NELL1: variants seen among roughly 807,000 people sequenced by gnomAD.
The protein encoded by NELL1 is protein kinase C-binding protein NELL1.
In NELL1, 76 loss-of-function variants were observed where a neutral mutation model predicts 107.4. That is an observed-to-expected ratio of 0.71 (90% CI 0.59 to 0.86). The LOEUF is 0.86. Ranked by LOEUF, NELL1 falls within the 40% of genes least tolerant of loss-of-function variation. The pLI, the probability that NELL1 is intolerant of heterozygous loss-of-function variation, is 0.00. For synonymous variants in NELL1, 353 were observed against 341.2 expected (o/e 1.03, Z -0.38); for missense variants, 1,024 against 1,005.5 (o/e 1.02, Z -0.25).
At chr11:21,463,813 A>G (rs1045375687) in intron 15 of NELL1, among the ~76,000 whole-genome samples, 3 of 152,090 alleles carry the variant, frequency 2.0e-5, no homozygotes, top group African/African-American at 4.8e-5. Flanking sequence ...TCTCTTTTCC[A>G]TGAGATCTAG....
intron 19 of NELL1, among the ~76,000 whole-genome samples, chr11:21,574,082 G>A (rs1159334531): frequency 6.6e-6 from 1 of 151,788 alleles, no homozygotes; most frequent in African/African-American, 2.4e-5. Flanking sequence ...AGTGGTAGCT[G>A]ATTTGGAACA....
At chr11:21,487,998 T>C (rs1051745393) in intron 15 of NELL1, among the ~76,000 whole-genome samples, 3 of 152,236 alleles carry the variant, frequency 2.0e-5, no homozygotes, top group East Asian at 1.9e-4. Flanking sequence ...TCTAAATATA[T>C]ATACATACAA....
intron 2 of NELL1, among the ~76,000 whole-genome samples, chr11:20,732,548 T>C (rs1286333150): frequency 6.6e-6 from 1 of 152,128 alleles, no homozygotes; most frequent in African/African-American, 2.4e-5. Flanking sequence ...GTTGGAGGTC[T>C]GAGGATTTGG....
chr11:21,491,008 G>C (rs1345575562), intron 15 of NELL1, among the ~76,000 whole-genome samples: 1 of 152,042 alleles, frequency 6.6e-6, no homozygotes, highest in African/African-American at 2.4e-5. Context: ...CAGAGTGAAA[G>C]ACAATCTGTT....
chr11:21,332,222 G>C (rs187036317), intron 14 of NELL1, among the ~76,000 whole-genome samples: 89 of 152,066 alleles, frequency 5.9e-4, no homozygotes, highest in African/African-American at 1.9e-3. Flanking sequence ...TTCTAAGGAT[G>C]CACTGCTTTG....
intron 12 of NELL1, among the ~76,000 whole-genome samples, chr11:21,002,294 C>CCTACATTAATGT (rs144065432): frequency 6.6e-6 from 1 of 151,206 alleles, no homozygotes; most frequent in Admixed American, 6.6e-5. Flanking sequence ...TATATTATAA[C>CCTACATTAATGT]AGTTACCTAC....
intron 9 of NELL1, among the ~76,000 whole-genome samples, chr11:20,930,669 C>T (rs1238051796): frequency 6.6e-6 from 1 of 152,080 alleles, no homozygotes; most frequent in Non-Finnish European, 1.5e-5. Flanking sequence ...AGTTAAATTG[C>T]CCTCTCACTA....
At chr11:21,138,064 G>A (rs756326042) in intron 13 of NELL1, among the ~76,000 whole-genome samples, 1 of 152,156 alleles carries the variant, frequency 6.6e-6, no homozygotes, top group Non-Finnish European at 1.5e-5. Flanking sequence ...TTTTCTGAGG[G>A]TGGAGAGAAC....
At chr11:21,255,786 T>A (rs745905173) in intron 14 of NELL1, among the ~76,000 whole-genome samples, 12 of 152,056 alleles carry the variant, frequency 7.9e-5, no homozygotes, top group Admixed American at 1.3e-4. Context: ...TGCCTACCTA[T>A]CCAGATTCAC....
At chr11:21,314,643 T>G (rs971192899) in intron 14 of NELL1, among the ~76,000 whole-genome samples, 1 of 152,190 alleles carries the variant, frequency 6.6e-6, no homozygotes, top group African/African-American at 2.4e-5. Flanking sequence ...GAAAGAATAC[T>G]CAGCATGCCT....
intron 15 of NELL1, among the ~76,000 whole-genome samples, chr11:21,412,601 T>C (rs1852405453): frequency 6.6e-6 from 1 of 152,142 alleles, no homozygotes; most frequent in Non-Finnish European, 1.5e-5. Context: ...TGAACATTTG[T>C]ACTTTTTGTT....
intron 9 of NELL1, among the ~76,000 whole-genome samples, chr11:20,931,263 A>G (rs1850612337): frequency 1.3e-5 from 2 of 152,166 alleles, no homozygotes; most frequent in Non-Finnish European, 2.9e-5. Context: ...CCCGGAGGAC[A>G]TGGAGCCAAG....
chr11:21,322,078 C>A (rs572170473), intron 14 of NELL1, among the ~76,000 whole-genome samples: 14 of 152,142 alleles, frequency 9.2e-5, no homozygotes, highest in Non-Finnish European at 1.5e-4. Flanking sequence ...CAGGATGATC[C>A]CATGGAATGA....
chr11:21,006,037 TG>T (rs200663974), intron 12 of NELL1, among the ~76,000 whole-genome samples: 116 of 149,842 alleles, frequency 7.7e-4, no homozygotes, highest in African/African-American at 1.4e-3. Context: ...TTCATAGATT[TG>T]GGGGGGGGAG....
At chr11:20,745,712 C>T (rs1023820748) in intron 2 of NELL1, among the ~76,000 whole-genome samples, 1 of 152,098 alleles carries the variant, frequency 6.6e-6, no homozygotes, top group Non-Finnish European at 1.5e-5. Context: ...CAGTTTAGAC[C>T]CATCAAGACA....
chr11:21,244,217 G>A (rs764541507), intron 14 of NELL1, among the ~76,000 whole-genome samples: 17 of 152,056 alleles, frequency 1.1e-4, no homozygotes, highest in Non-Finnish European at 2.2e-4. Context: ...ATTTACTTTC[G>A]TTGCATTTTA....
chr11:21,370,678 G>A (rs1321660336), intron 14 of NELL1, among the ~76,000 whole-genome samples, 175 bp from the exon 15 acceptor site: 1 of 152,066 alleles, frequency 6.6e-6, no homozygotes, highest in African/African-American at 2.4e-5. Flanking sequence ...ATATAAACCA[G>A]TGAAATAGGT....
intron 14 of NELL1, among the ~76,000 whole-genome samples, chr11:21,309,286 A>ATATATATGTATATATATATATATATG (rs1565160446): frequency 9.2e-6 from 1 of 109,206 alleles, no homozygotes; most frequent in African/African-American, 4.4e-5. Context: ...ATATGTATAT[A>ATATATATGTATATATATATATATATG]TATATATATA....
chr11:20,972,022 C>G (rs4922693), intron 12 of NELL1, among the ~76,000 whole-genome samples: 1 of 133,576 alleles, frequency 7.5e-6, no homozygotes, highest in South Asian at 2.7e-4. Flanking sequence ...CTGGGGCCTG[C>G]TGGGGAGCGG....
Sources: allele counts gnomAD v4.1 joint callset (sites outside exome capture counted in the v4.1 genomes callset), GRCh38; gene constraint gnomAD v4.1.1; transcripts MANE v1.5; gene names NCBI Gene and HGNC (gene_info 2026-07-23, HGNC 2026-07-21).